The following CAST variants were observed in gnomAD, a reference collection of about 807,000 sequenced individuals.
CAST encodes MIR583 host.
CAST carries 76 observed loss-of-function variants against 119.6 expected under a neutral mutation model. The observed-to-expected ratio is 0.64, with a 90% CI of 0.53 to 0.77. The LOEUF is 0.77. Among genes scored for constraint, CAST ranks in the 30% least tolerant of loss-of-function variants. The probability of loss-of-function intolerance (pLI) is 0.00; values close to 1 mark genes in which losing one functional copy is unlikely to be tolerated. For missense variants in CAST, 953 were observed against 946.5 expected (o/e 1.01, Z -0.09); for synonymous variants, 319 against 331.6 (o/e 0.96, Z 0.41).
At chr5:96,398,271 T>A in the CAST span, among the ~76,000 whole-genome samples, 1 of 152,202 alleles carries the variant, frequency 6.6e-6, no homozygotes, top group Admixed American at 6.5e-5. Context: ...CCAAATTTAG[T>A]CAGTTGAGTC....
At chr5:96,192,390 T>G in the CAST span, among the ~76,000 whole-genome samples, 1,069 of 152,294 alleles carry the variant, frequency 7.0e-3, 10 homozygotes, top group African/African-American at 0.025. Context: ...TAAGAGAAGA[T>G]TAACAATAAC....
the CAST span, chr5:95,961,661 G>C: frequency 6.2e-7 from 1 of 1,609,192 alleles, no homozygotes. Flanking sequence ...TGCCCCAGCC[G>C]TCCGCACGAC....
the CAST span, among the ~76,000 whole-genome samples, chr5:96,092,267 C>T: frequency 1.6e-4 from 24 of 152,138 alleles, no homozygotes; most frequent in Admixed American, 2.6e-4. Flanking sequence ...TCTTTCAAAG[C>T]GATGCTCTTA....
At chr5:96,618,251 T>G (rs1747512621) in intron 1 of CAST, among the ~76,000 whole-genome samples, 1 of 152,234 alleles carries the variant, frequency 6.6e-6, no homozygotes, top group South Asian at 2.1e-4. Flanking sequence ...GCTCTGTGCT[T>G]CTTGGCTTAA....
chr5:95,963,131 G>C, the CAST span, among the ~76,000 whole-genome samples: 2,645 of 152,204 alleles, frequency 0.017, 93 homozygotes, highest in African/African-American at 0.06. Context: ...GTTTAAAAAA[G>C]TTCTTTTAAT....
chr5:96,373,484 A>G, the CAST span, among the ~76,000 whole-genome samples: 1 of 152,280 alleles, frequency 6.6e-6, no homozygotes, highest in African/African-American at 2.4e-5. Flanking sequence ...GGATGTGTCC[A>G]TTTGTCTTTT....
intron 1 of CAST, among the ~76,000 whole-genome samples, chr5:96,617,367 C>A (rs1747481545): frequency 6.6e-6 from 1 of 152,028 alleles, no homozygotes. Flanking sequence ...TTGGAAAACA[C>A]CTACAAAATG....
the CAST span, among the ~76,000 whole-genome samples, chr5:96,389,283 C>G: frequency 6.6e-6 from 1 of 152,042 alleles, no homozygotes; most frequent in African/African-American, 2.4e-5. Context: ...AAAAAGGTAA[C>G]TGAGAGAATG....
At chr5:95,988,348 G>A in the CAST span, among the ~76,000 whole-genome samples, 1 of 152,040 alleles carries the variant, frequency 6.6e-6, no homozygotes, top group East Asian at 1.9e-4. Context: ...ACCACAGGCA[G>A]TATACAATGA....
At chr5:96,478,265 A>G in the CAST span, among the ~76,000 whole-genome samples, 1 of 146,604 alleles carries the variant, frequency 6.8e-6, no homozygotes, top group East Asian at 1.9e-4. Flanking sequence ...AAAAATATTT[A>G]TTTCATTCTT....
chr5:96,769,071 C>G (rs558087245), intron 29 of CAST: 7 of 152,352 alleles, frequency 4.6e-5, no homozygotes, highest in African/African-American at 1.7e-4. Context: ...CCTCAAGCTA[C>G]ACCCTCTTGT....
the CAST span, among the ~76,000 whole-genome samples, chr5:96,008,754 G>A: frequency 1.3e-5 from 2 of 152,210 alleles, no homozygotes; most frequent in African/African-American, 4.8e-5. Flanking sequence ...AGAAGCTCAA[G>A]CCTACATGGA....
chr5:96,379,309 T>G, the CAST span, among the ~76,000 whole-genome samples: 7 of 152,210 alleles, frequency 4.6e-5, no homozygotes, highest in Non-Finnish European at 7.3e-5. Flanking sequence ...ATTTTGGCCC[T>G]CATCTAGATT....
the CAST span, among the ~76,000 whole-genome samples, chr5:96,144,624 C>A: frequency 1.4e-4 from 21 of 151,552 alleles, no homozygotes; most frequent in Admixed American, 2.6e-4. Context: ...TCTTTCTTTG[C>A]TATGACTGTC....
chr5:96,345,911 G>A, the CAST span, among the ~76,000 whole-genome samples: 1 of 152,198 alleles, frequency 6.6e-6, no homozygotes, highest in Admixed American at 6.5e-5. Flanking sequence ...TGTAACCCAT[G>A]TAAAAGTGAC....
chr5:96,671,606 G>A (rs1453029532), intron 1 of CAST, among the ~76,000 whole-genome samples: 1 of 152,284 alleles, frequency 6.6e-6, no homozygotes, highest in African/African-American at 2.4e-5. Context: ...GCTGCTATGG[G>A]TAGCAAAGAA....
the CAST span, among the ~76,000 whole-genome samples, chr5:95,967,966 C>T: frequency 3.3e-5 from 5 of 152,206 alleles, no homozygotes; most frequent in Admixed American, 1.3e-4. Context: ...GTAACTGAGG[C>T]GCAGAAAGGG....
At chr5:96,375,436 G>GTGTT in the CAST span, among the ~76,000 whole-genome samples, 1 of 125,252 alleles carries the variant, frequency 8.0e-6, no homozygotes, top group African/African-American at 2.6e-5. Context: ...GTGTGTGTGT[G>GTGTT]TTTTTTTTAC....
At chr5:96,768,214 G>T (rs191828957) in intron 29 of CAST, among the ~76,000 whole-genome samples, 8 of 152,186 alleles carry the variant, frequency 5.3e-5, no homozygotes, top group Non-Finnish European at 1.2e-4. Flanking sequence ...TTCCTGAGTA[G>T]CTGGGACTAC....
Sources: allele counts gnomAD v4.1 joint callset (sites outside exome capture counted in the v4.1 genomes callset), GRCh38; gene constraint gnomAD v4.1.1; transcripts MANE v1.5; gene names NCBI Gene and HGNC (gene_info 2026-07-23, HGNC 2026-07-21).